Variants in PTPRD observed in about 807,000 individuals in gnomAD.
PTPRD encodes the protein protein tyrosine phosphatase receptor type D.
PTPRD carries 34 observed loss-of-function variants against 214.5 expected under a neutral mutation model. The observed-to-expected ratio is 0.16, with a 90% CI of 0.12 to 0.21. PTPRD has a LOEUF of 0.21. Ranked by LOEUF, PTPRD falls within the 10% of genes least tolerant of loss-of-function variation. The pLI is 1.00. For synonymous variants in PTPRD, 1,128 were observed against 845.7 expected, an observed-to-expected ratio of 1.33 and a Z score of -5.79; for missense variants, 2,545 against 2,398.7, an observed-to-expected ratio of 1.06 and a Z score of -1.27.
At chr9:9,130,989 A>C (rs1464336453) in intron 10 of PTPRD, among the ~76,000 whole-genome samples, 3 of 152,108 alleles carry the variant, frequency 2.0e-5, no homozygotes, top group Non-Finnish European at 4.4e-5. Flanking sequence ...TAATTTTGTC[A>C]TTTTTCTTTT....
intron 5 of PTPRD, among the ~76,000 whole-genome samples, chr9:9,913,570 G>C (rs2079835750): frequency 6.6e-6 from 1 of 152,086 alleles, no homozygotes. Flanking sequence ...AAATTCAGGA[G>C]GGCAGCACAG....
intron 7 of PTPRD, among the ~76,000 whole-genome samples, chr9:9,579,344 A>G (rs374852827): frequency 6.6e-6 from 1 of 152,174 alleles, no homozygotes; most frequent in South Asian, 2.1e-4. Flanking sequence ...TCTATGTTGT[A>G]TAAGTAAGAA....
At chr9:8,429,229 T>C (rs942018757) in intron 35 of PTPRD, among the ~76,000 whole-genome samples, 1 of 151,224 alleles carries the variant, frequency 6.6e-6, no homozygotes, top group Non-Finnish European at 1.5e-5. Context: ...CATTTAAGTG[T>C]TTATATCAGG....
At chr9:8,883,668 C>T (rs2098464334) in intron 11 of PTPRD, among the ~76,000 whole-genome samples, 2 of 152,162 alleles carry the variant, frequency 1.3e-5, no homozygotes. Flanking sequence ...AAGCTTTCCT[C>T]TTTCTCCCCT....
At chr9:9,315,509 C>T (rs12338924) in intron 9 of PTPRD, among the ~76,000 whole-genome samples, 12,593 of 151,980 alleles carry the variant, frequency 0.083, 790 homozygotes, top group Non-Finnish European at 0.13. Flanking sequence ...ATATACCACA[C>T]ATTAATTCCA....
chr9:9,332,938 TGTTA>T (rs1302394609), intron 9 of PTPRD, among the ~76,000 whole-genome samples: 20 of 152,162 alleles, frequency 1.3e-4, no homozygotes, highest in East Asian at 5.8e-4. Flanking sequence ...TATTCTCTTA[TGTTA>T]GTTAGTGTTA....
At chr9:9,392,031 G>T (rs933170881) in intron 9 of PTPRD, among the ~76,000 whole-genome samples, 1 of 152,112 alleles carries the variant, frequency 6.6e-6, no homozygotes, top group Admixed American at 6.6e-5. Context: ...TTTAGAGGTG[G>T]TGGAAAGTAC....
At chr9:9,955,391 C>G (rs539438624) in intron 4 of PTPRD, among the ~76,000 whole-genome samples, 2 of 152,146 alleles carry the variant, frequency 1.3e-5, no homozygotes, top group East Asian at 3.9e-4. Context: ...GATTCTTTAT[C>G]ATTTTATGAA....
intron 2 of PTPRD, among the ~76,000 whole-genome samples, chr9:10,519,174 T>C (rs868062927): frequency 1.5e-5 from 2 of 137,512 alleles, no homozygotes; most frequent in Non-Finnish European, 3.0e-5. Context: ...AATATCCTCC[T>C]CCAGCTTTGC....
intron 2 of PTPRD, among the ~76,000 whole-genome samples, chr9:10,405,996 C>G (rs2098350126): frequency 6.6e-6 from 1 of 151,266 alleles, no homozygotes. Context: ...GGATTAATCA[C>G]AAAATGTTCT....
intron 2 of PTPRD, among the ~76,000 whole-genome samples, chr9:10,351,315 C>T (rs1054461999): frequency 1.3e-5 from 2 of 152,010 alleles, no homozygotes; most frequent in Admixed American, 6.6e-5. Flanking sequence ...TAGCTGAACC[C>T]TGTCTTTTCC....
At chr9:9,429,214 G>A (rs186538172) in intron 8 of PTPRD, among the ~76,000 whole-genome samples, 2 of 152,192 alleles carry the variant, frequency 1.3e-5, no homozygotes, top group African/African-American at 2.4e-5. Flanking sequence ...AATGACAAAG[G>A]GGATATCACC....
chr9:9,123,008 T>G (rs540332969), intron 10 of PTPRD, among the ~76,000 whole-genome samples: 13 of 152,216 alleles, frequency 8.5e-5, no homozygotes, highest in East Asian at 1.9e-4. Flanking sequence ...ATTCACTGTT[T>G]TTGTTGTTGT....
At chr9:10,039,997 T>C (rs542529307) in intron 3 of PTPRD, among the ~76,000 whole-genome samples, 2 of 152,184 alleles carry the variant, frequency 1.3e-5, no homozygotes, top group South Asian at 4.1e-4. Context: ...TTCAAGGGCA[T>C]AGCAGTCAGA....
chr9:9,787,911 A>G (rs2098937593), intron 5 of PTPRD, among the ~76,000 whole-genome samples: 1 of 151,800 alleles, frequency 6.6e-6, no homozygotes, highest in African/African-American at 2.4e-5. Flanking sequence ...CCTCCTAAGT[A>G]GCTGGGACTA....
chr9:9,928,478 A>G (rs142211523), intron 5 of PTPRD, among the ~76,000 whole-genome samples: 2 of 152,246 alleles, frequency 1.3e-5, no homozygotes, highest in South Asian at 4.1e-4. Context: ...ATTAAACTTA[A>G]AAGGAGGGAA....
intron 9 of PTPRD, among the ~76,000 whole-genome samples, chr9:9,252,785 C>T (rs972713935): frequency 6.6e-6 from 1 of 152,050 alleles, no homozygotes; most frequent in African/African-American, 2.4e-5. Context: ...TTATTCATTG[C>T]TGGGTACTCA....
intron 22 of PTPRD, among the ~76,000 whole-genome samples, chr9:8,506,619 A>C (rs1417833807): frequency 6.6e-6 from 1 of 152,214 alleles, no homozygotes; most frequent in Non-Finnish European, 1.5e-5. Context: ...TCGATTAATA[A>C]GAAAGGCTAG....
At chr9:9,266,492 T>C (rs991578374) in intron 9 of PTPRD, among the ~76,000 whole-genome samples, 6 of 151,190 alleles carry the variant, frequency 4.0e-5, no homozygotes, top group African/African-American at 1.5e-4. Flanking sequence ...ATAGAACATT[T>C]ATTAGGTCAC....
Sources: gnomAD v4.1 joint callset for allele counts (sites outside exome capture counted in the v4.1 genomes callset) on GRCh38, gnomAD v4.1.1 for gene constraint, MANE v1.5 for transcripts, NCBI Gene and HGNC (gene_info 2026-07-23, HGNC 2026-07-21) for gene names.